Variants in HGD observed in about 807,000 individuals in gnomAD.
The protein encoded by HGD is homogentisate 1,2-dioxygenase.
Under a neutral mutation model 60.8 loss-of-function variants are expected in HGD, and 61 were observed. The observed-to-expected ratio is 1.00, with a 90% CI of 0.82 to 1.24. The LOEUF is 1.24. Ranked by LOEUF, HGD falls within the 50% of genes most tolerant of loss-of-function variation. HGD has a pLI of 0.00. For synonymous variants in HGD, 212 were observed against 187.7 expected, an observed-to-expected ratio of 1.13 and a Z score of -1.06; for missense variants, 542 against 547.1, an observed-to-expected ratio of 0.99 and a Z score of 0.09.
chr3:120,646,347 A>G lies in HGD; in HGVS notation c.569T>C (p.Ile190Thr), dbSNP rs1410571047. ...GCCCCTGGTCTCCTCAAAGACATCT[A>G]TGCTGAACCGCATTCCTCTCTGGAA... is the stretch of plus-strand genomic sequence containing the variant. The part of the protein sequence containing the change: ...CVIQRGMRFS[I>T]DVFEETRGYI... The change falls in exon 9 of 14, where the codon ATA (isoleucine) becomes ACA (threonine). Residue 190 changes from isoleucine to threonine, a missense_variant. Ile to Thr is a moderately conservative substitution (Grantham distance 89, BLOSUM62 -1). Around this residue, in one of 2 missense-constraint regions of HGD, gnomAD observed 537 missense variants for 529.1 expected, o/e 1.01. Coordinates refer to ENST00000283871, the MANE Select transcript of HGD (RefSeq NM_000187.4). 1 of 1,612,358 alleles carries G rather than the reference A, an allele frequency of 6.2e-7. No individual in the cohort carries two copies. Among genetic ancestry groups the G allele is most frequent in the Non-Finnish European group, 8.5e-7 (1 of 1,178,414 alleles).
rs750373701 is a variant in HGD at position 120,644,425 on chromosome 3, T to C, written c.668A>G (p.Asn223Ser). The C allele has an allele frequency of 9.9e-6, 16 of 1,614,030 alleles. No homozygotes were observed. Among genetic ancestry groups the C allele is most frequent in the Middle Eastern group, 1.6e-4 (1 of 6,084 alleles). The change falls in exon 10 of 14, where the codon AAT (asparagine) becomes AGT (serine). Residue 223 changes from asparagine (N) to serine (S), a missense_variant. Physicochemically the swap from Asn to Ser is conservative, Grantham distance 46. Around this residue, in one of 2 missense-constraint regions of HGD, gnomAD observed 537 missense variants for 529.1 expected, o/e 1.01. Transcript: ENST00000283871. The part of the protein sequence containing the change: ...LGPIGANGLA[N>S]PRDFLIPIAW... ...AATGGGTATCAAGAAATCACGAGGA[T>C]TGGCCAAGCCATTGGCCCCTAGAAA... is the stretch of plus-strand genomic sequence containing the variant.
In HGD at chr3:120,647,058, A is replaced by G. The variant is rs769808113; in HGVS notation, c.470-6T>C. The G allele has an allele frequency of 6.2e-7, 1 of 1,611,038 alleles. No individual in the cohort carries two copies. The highest frequency in any genetic ancestry group is 8.5e-7 in the Non-Finnish European group (1 of 1,177,232). ...AAGGTTCCCTTTCTGCGGAACTGAC[A>G]AAAAAAGACAGGGCAGTGGTGAGCA... On this transcript the variant is annotated splice_region_variant and splice_polypyrimidine_tract_variant and intron_variant, in intron 7 of 13. Coordinates refer to ENST00000283871, the MANE Select transcript of HGD (RefSeq NM_000187.4).
chr3:120,661,879 C>T (rs1399647817), intron 4 of HGD, among the ~76,000 whole-genome samples: 1 of 152,000 alleles, frequency 6.6e-6, no homozygotes, highest in Non-Finnish European at 1.5e-5. Context: ...CAAATACTTG[C>T]GATTCTATTT....
intron 13 of HGD, among the ~76,000 whole-genome samples, chr3:120,630,902 T>TA (rs1940574355): frequency 7.5e-6 from 1 of 133,288 alleles, no homozygotes; most frequent in African/African-American, 2.9e-5. Context: ...TATGCAGCCA[T>TA]AAAAAAGAAC....
At chr3:120,672,530 G>A (rs1342184308) in intron 3 of HGD, among the ~76,000 whole-genome samples, 1 of 152,268 alleles carries the variant, frequency 6.6e-6, no homozygotes, top group South Asian at 2.1e-4. Flanking sequence ...CCAACATTGA[G>A]CCATCTGGGG....
intron 9 of HGD, among the ~76,000 whole-genome samples, chr3:120,645,896 C>T (rs1374235603): frequency 1.3e-5 from 2 of 152,164 alleles, no homozygotes; most frequent in African/African-American, 2.4e-5. Flanking sequence ...CTTTACTCTC[C>T]TCAACTTTTC....
intron 1 of HGD, among the ~76,000 whole-genome samples, chr3:120,680,550 T>A (rs1708213014): frequency 6.6e-6 from 1 of 152,162 alleles, no homozygotes; most frequent in Non-Finnish European, 1.5e-5. Context: ...GTAAAGATGT[T>A]TCCAACCTCT....
chr3:120,653,559 A>G (rs954111235), intron 4 of HGD, among the ~76,000 whole-genome samples: 1 of 152,224 alleles, frequency 6.6e-6, no homozygotes, highest in African/African-American at 2.4e-5. Context: ...GCAAGTGGAA[A>G]AGGCAGCCTT....
At chr3:120,635,980 G>A (rs2107494053) in intron 12 of HGD, among the ~76,000 whole-genome samples, 1 of 151,880 alleles carries the variant, frequency 6.6e-6, no homozygotes, top group South Asian at 2.1e-4. Flanking sequence ...AGTGAAAAAT[G>A]TAGATTCTGG....
chr3:120,631,740 G>T (rs150519969), intron 13 of HGD, among the ~76,000 whole-genome samples: 118 of 152,274 alleles, frequency 7.7e-4, no homozygotes, highest in Non-Finnish European at 1.3e-3. Flanking sequence ...AATGGGAAAT[G>T]GTGAGGACGA....
rs1708002795 is a variant in HGD, at chr3:120,670,501, G to A, written c.208C>T (p.His70Tyr). ...TCGTCAATGGATTCAAAGGGCTTGTGAGAAACTGAAGGTAGAATCCTATAC... is the reference window on the plus strand; with the variant it reads ...TCGTCAATGGATTCAAAGGGCTTGTAAGAAACTGAAGGTAGAATCCTATAC... ...WLYRILPSVS[H>Y]KPFESIDEGQ... The change falls in exon 4 of 14, where the codon CAC becomes TAC. Residue 70 changes from histidine to tyrosine, a missense_variant. His to Tyr is a moderately conservative substitution (Grantham distance 83, BLOSUM62 2). This residue lies in a region of HGD where 537 missense variants were observed against 529.1 expected (regional missense o/e 1.01). Transcript: ENST00000283871. The A allele has an allele frequency of 6.2e-7, 1 of 1,608,622 alleles. No homozygotes were observed.
Position 120,628,429 on chromosome 3 carries a change from A to T in HGD, c.1289T>A (p.Leu430His), listed in dbSNP as rs779866537. The change falls in exon 14 of 14, where the codon CTC becomes CAC. Residue 430 changes from leucine to histidine, a missense_variant. Physicochemically the swap from Leu to His is moderately conservative, Grantham distance 99 (BLOSUM62 -3). Coordinates refer to ENST00000283871, the MANE Select transcript of HGD (RefSeq NM_000187.4). ...GGAGTTGGGAGTGAAGTGGCTCTTGAGTGGCTCCCAGCACTTGTGGTAGTT... is the reference window on the plus strand; with the variant it reads ...GGAGTTGGGAGTGAAGTGGCTCTTGTGTGGCTCCCAGCACTTGTGGTAGTT... Reference protein sequence around the residue: ...DENYHKCWEPLKSHFTPNSRN... With the variant: ...DENYHKCWEPHKSHFTPNSRN... 6 of 1,613,880 alleles carry T rather than the reference A, an allele frequency of 3.7e-6. No homozygotes were observed. The Admixed American group carries it at 1.0e-4, about 27-fold the overall frequency.
At chr3:120,633,578 A>T (rs1284004762) in intron 12 of HGD, 1 of 1,437,882 alleles carries the variant, frequency 7.0e-7, no homozygotes, top group East Asian at 3.2e-5. Context: ...CTCTGACAGG[A>T]ATCAGGCTAG....
chr3:120,634,806 C>T (rs191085410), intron 12 of HGD, among the ~76,000 whole-genome samples: 11 of 152,270 alleles, frequency 7.2e-5, no homozygotes, highest in African/African-American at 2.6e-4. Context: ...ACCCACCCTG[C>T]TCAGAAACAG....
Sources: gnomAD v4.1 joint callset for allele counts (sites outside exome capture counted in the v4.1 genomes callset) on GRCh38, gnomAD v4.1.1 for gene constraint, gnomAD v4.1.1 regional missense constraint, MANE v1.5 for transcripts, NCBI Gene and HGNC (gene_info 2026-07-23, HGNC 2026-07-21) for gene names.